Variants in IQGAP2 observed in about 807,000 individuals in gnomAD.
IQGAP2 encodes the protein ras GTPase-activating-like protein IQGAP2.
In IQGAP2, 173 loss-of-function variants were observed where a neutral mutation model predicts 201.3. That is an observed-to-expected ratio of 0.86 (90% CI 0.76 to 0.98). The LOEUF is 0.98. Among genes scored for constraint, IQGAP2 ranks in the 50% least tolerant of loss-of-function variants. The pLI, the probability that IQGAP2 is intolerant of heterozygous loss-of-function variation, is 0.00. For missense variants in IQGAP2, 1,687 were observed against 1,864.8 expected (o/e 0.90, Z 1.76); for synonymous variants, 675 against 673.9 (o/e 1.00, Z -0.03).
chr5:76,403,809 C>G lies in IQGAP2; in HGVS notation c.46+218C>G, dbSNP rs910756689. ...CAATTCCTAATATCCAGCTGGCAACCCAGACCCTCCACTCCGCATACCCAA... is the reference window on the plus strand; with the variant it reads ...CAATTCCTAATATCCAGCTGGCAACGCAGACCCTCCACTCCGCATACCCAA... On this transcript the variant is annotated intron_variant, in intron 1 of 35. Coordinates refer to ENST00000274364, the MANE Select transcript of IQGAP2 (RefSeq NM_006633.5). The surrounding 1 kb of genome is among the most constrained non-coding windows in gnomAD (Gnocchi z 4.8). Among the ~76,000 whole-genome samples the G allele has an allele frequency of 6.6e-6, 1 of 152,036 alleles. No homozygotes were observed. The highest frequency in any genetic ancestry group is 1.5e-5 in the Non-Finnish European group (1 of 67,968).
chr5:76,589,589 A>T, intron 6 of IQGAP2, 26 bp from the exon 7 acceptor site: 1 of 1,293,052 alleles, frequency 7.7e-7, no homozygotes, highest in Admixed American at 1.9e-5. Context: ...TCTGATAATG[A>T]TTATGATTAT....
intron 1 of IQGAP2, among the ~76,000 whole-genome samples, chr5:76,413,087 G>T (rs1295718023): frequency 7.1e-6 from 1 of 140,664 alleles, no homozygotes; most frequent in Non-Finnish European, 1.5e-5. Flanking sequence ...CTCCTTGCCT[G>T]TTCTTTTTCA....
rs751831420 is a variant in IQGAP2 at position 76,403,520 on chromosome 5, C to T, written c.-26C>T. On this transcript the variant is annotated 5_prime_UTR_variant, in exon 1 of 36. Coordinates refer to ENST00000274364, the MANE Select transcript of IQGAP2 (RefSeq NM_006633.5). The surrounding 1 kb of genome is among the most constrained non-coding windows in gnomAD (Gnocchi z 4.8). ...GAGGGTAGCCGCGGGGGGCGCGCCCCGGGCGGGCCCCCGGAGACGCGCAGG... is the reference window on the plus strand; with the variant it reads ...GAGGGTAGCCGCGGGGGGCGCGCCCTGGGCGGGCCCCCGGAGACGCGCAGG... The T allele has an allele frequency of 6.8e-6, 10 of 1,467,292 alleles. No homozygotes were observed. Among genetic ancestry groups the T allele is most frequent in the Middle Eastern group, 2.4e-4 (1 of 4,234 alleles). 90.9% of individuals were successfully genotyped at this position (1,467,292 alleles called of 1,614,324 possible). A position where few individuals can be genotyped will look rare whatever the true frequency, so the allele number is the denominator to read the frequency against.
At chr5:76,619,099 TA>T (rs1237787581) in intron 13 of IQGAP2, among the ~76,000 whole-genome samples, 1 of 152,244 alleles carries the variant, frequency 6.6e-6, no homozygotes, top group Non-Finnish European at 1.5e-5. Flanking sequence ...TAGTGTGGGC[TA>T]TCATGGGATC....
In IQGAP2 at chr5:76,542,041, TG is replaced by T. The variant is rs1327786081; in HGVS notation, c.147-20353del. Among the ~76,000 whole-genome samples the T allele has an allele frequency of 4.6e-5, 7 of 152,334 alleles. No homozygotes were observed. The East Asian group carries it at 1.2e-3, about 25-fold the overall frequency. ...TTCTGTCACCCAGACTAGCATGAAG[TG>T]GTGCAATCACAGCTCACTGAAACCT... On this transcript the variant is annotated intron_variant, in intron 2 of 35. Transcript: ENST00000274364.
chr5:76,565,268 G>A (rs2150259915), intron 3 of IQGAP2, among the ~76,000 whole-genome samples: 1 of 152,266 alleles, frequency 6.6e-6, no homozygotes, highest in South Asian at 2.1e-4. Flanking sequence ...GTGCCATCTG[G>A]AAACCATGAA....
intron 1 of IQGAP2, among the ~76,000 whole-genome samples, chr5:76,444,829 GT>G (rs1382125190): frequency 6.6e-6 from 1 of 152,050 alleles, no homozygotes; most frequent in African/African-American, 2.4e-5. Flanking sequence ...CTGGGATTGG[GT>G]TTTTTCATAG....
chr5:76,658,566 G>C lies in IQGAP2; in HGVS notation c.2428G>C (p.Glu810Gln), dbSNP rs1217494528. The change falls in exon 21 of 36, where the codon GAA becomes CAA. Residue 810 changes from glutamate (E) to glutamine (Q), a missense_variant. Coordinates refer to ENST00000274364, the MANE Select transcript of IQGAP2 (RefSeq NM_006633.5). ...ACTAGAGGTTGCACGATTAAGGGAA[G>C]AAGTAGTGACCAAGATCAGGGCCAA... ...EELEVARLRE[E>Q]VVTKIRANQQ... 2 of 1,614,134 alleles carry C rather than the reference G, an allele frequency of 1.2e-6. No individual in the cohort carries two copies. The highest frequency in any genetic ancestry group is 1.7e-6 in the Non-Finnish European group (2 of 1,180,004).
intron 13 of IQGAP2, chr5:76,623,234 G>C: frequency 6.2e-7 from 1 of 1,614,150 alleles, no homozygotes; most frequent in East Asian, 2.2e-5. Flanking sequence ...CTTTCATTTT[G>C]ATGACCTGAG....
At chr5:76,609,857 G>A (rs1561505512) in intron 12 of IQGAP2, among the ~76,000 whole-genome samples, 1 of 150,884 alleles carries the variant, frequency 6.6e-6, no homozygotes, top group African/African-American at 2.4e-5. Flanking sequence ...GTGTGTGTGT[G>A]TGTGTGTGTC....
chr5:76,469,712 C>G (rs945308514), intron 2 of IQGAP2, among the ~76,000 whole-genome samples: 4 of 152,126 alleles, frequency 2.6e-5, no homozygotes, highest in African/African-American at 9.6e-5. Context: ...CCTCAAAAAA[C>G]TAATATTGAT....
At chr5:76,613,062 C>T (rs1435728264) in intron 13 of IQGAP2, among the ~76,000 whole-genome samples, 1 of 152,176 alleles carries the variant, frequency 6.6e-6, no homozygotes, top group Non-Finnish European at 1.5e-5. Context: ...ATTGCCTGAC[C>T]CTCCTCACTT....
At position 76,496,771 on chromosome 5, in the gene IQGAP2, TTCTTTCTTTC is replaced by T. The variant is rs1561416692; in HGVS notation, c.146+35104_146+35113del. ...TTTCTTTCTTTCTTTCTTTCTTTCT[TTCTTTCTTTC>T]TTTCTTTCTTTCTCTTTCTTTCTTT... On this transcript the variant is annotated intron_variant, in intron 2 of 35. Transcript: ENST00000274364. Among the ~76,000 whole-genome samples, 252 of 120,952 alleles carry T rather than the reference TTCTTTCTTTC, an allele frequency of 2.1e-3. 3 individuals carry two copies. Among genetic ancestry groups the T allele is most frequent in the African/African-American group, 9.3e-3 (226 of 24,284 alleles). The allele number at this position is 120,952 out of a possible 152,430, so 79.3% of individuals were successfully genotyped here.
chr5:76,618,171 C>A lies in IQGAP2; in HGVS notation c.1521+6988C>A, dbSNP rs200470572. The A allele has an allele frequency of 5.6e-6, 9 of 1,614,158 alleles. No individual in the cohort carries two copies. The East Asian group carries it at 2.0e-4, about 36-fold the overall frequency. ...GATGCAGGCAAGGAGCAGAATGGAG[C>A]AGTACATGTTGCCATAGAAGATGAC... On this transcript the variant is annotated intron_variant, in intron 13 of 35. Transcript: ENST00000274364.
In IQGAP2 at chr5:76,677,365, G is replaced by A. The variant is rs1374307169; in HGVS notation, c.3660+15G>A. The A allele has an allele frequency of 6.2e-7, 1 of 1,612,242 alleles. No individual in the cohort carries two copies. ...GCACACACTCAGTAAGTGGGGATGG[G>A]GAGCCATCTTAGCAATGGACCCATG... On this transcript the variant is annotated intron_variant, in intron 28 of 35. Coordinates refer to ENST00000274364, the MANE Select transcript of IQGAP2 (RefSeq NM_006633.5).
intron 20 of IQGAP2, 55 bp from the exon 21 acceptor site, chr5:76,658,404 T>C (rs1266814705): frequency 2.2e-6 from 3 of 1,368,506 alleles, no homozygotes; most frequent in Non-Finnish European, 3.1e-6. Flanking sequence ...TTCTTTCCTG[T>C]TGATAATCAT....
At chr5:76,416,859 T>G (rs2150076392) in intron 1 of IQGAP2, among the ~76,000 whole-genome samples, 1 of 149,286 alleles carries the variant, frequency 6.7e-6, no homozygotes, top group Non-Finnish European at 1.5e-5. Flanking sequence ...ACAGGGATCT[T>G]ACTCTATCAC....
At chr5:76,446,312 C>T (rs1033010381) in intron 1 of IQGAP2, among the ~76,000 whole-genome samples, 3 of 151,860 alleles carry the variant, frequency 2.0e-5, no homozygotes, top group Admixed American at 6.6e-5. Context: ...CAGCAATACA[C>T]GCAGGTTTCA....
intron 10 of IQGAP2, among the ~76,000 whole-genome samples, chr5:76,599,447 C>G (rs1338987543): frequency 6.6e-6 from 1 of 152,196 alleles, no homozygotes; most frequent in Non-Finnish European, 1.5e-5. Context: ...TTCTTCCTCT[C>G]TCCTTATCCT....
Sources: gnomAD v4.1 joint callset for allele counts (sites outside exome capture counted in the v4.1 genomes callset) on GRCh38, gnomAD v4.1.1 for gene constraint, Gnocchi (gnomAD v3.1) non-coding constraint, MANE v1.5 for transcripts, NCBI Gene and HGNC (gene_info 2026-07-23, HGNC 2026-07-21) for gene names.